The following GLUL variants were observed in gnomAD, a reference collection of about 807,000 sequenced individuals.
GLUL encodes the protein glutamine synthetase.
In GLUL, 8 loss-of-function variants were observed where a neutral mutation model predicts 36.9. The ratio of observed to expected loss-of-function variants is 0.22; its 90% CI spans 0.13 to 0.39. The LOEUF (loss-of-function observed/expected upper bound fraction) is 0.39. GLUL is among the 10% of genes least tolerant of loss of function. GLUL has a pLI of 1.00. For synonymous variants in GLUL, 182 were observed against 172.8 expected, an observed-to-expected ratio of 1.05 and a Z score of -0.42; for missense variants, 315 against 501.8, an observed-to-expected ratio of 0.63 and a Z score of 3.56.
rs1402959096 is a variant in GLUL, at chr1:182,380,907, A to T, written c.*3498T>A. Among the ~76,000 whole-genome samples the T allele has an allele frequency of 6.6e-6, 1 of 152,232 alleles. No homozygotes were observed. Among genetic ancestry groups the T allele is most frequent in the Non-Finnish European group, 1.5e-5 (1 of 68,042 alleles). Reference sequence around the variant, plus strand: ...GCCAAGAATAGTTCAGGAACTTCTCATCCACTTGTCTACCCTTCTACACAG... The same window carrying T: ...GCCAAGAATAGTTCAGGAACTTCTCTTCCACTTGTCTACCCTTCTACACAG... On this transcript the variant is annotated 3_prime_UTR_variant, in exon 7 of 7. Transcript: ENST00000331872.
chr1:182,380,094 T>C lies in GLUL; in HGVS notation c.*4311A>G, dbSNP rs369838729. On this transcript the variant is annotated 3_prime_UTR_variant, in exon 7 of 7. Coordinates refer to ENST00000331872, the MANE Select transcript of GLUL (RefSeq NM_001033044.4). ...AACTCCCGATCTCAGGTGATCCACC[T>C]GCCTCGGCCTCTCAAGGTGCTGGGA... Among the ~76,000 whole-genome samples the C allele has an allele frequency of 6.6e-6, 1 of 152,246 alleles. No individual in the cohort carries two copies. The highest frequency in any genetic ancestry group is 2.4e-5 in the African/African-American group (1 of 41,538).
intron 6 of GLUL, 33 bp downstream of exon 6, chr1:182,385,322 GGA>G: frequency 6.7e-7 from 1 of 1,495,538 alleles, no homozygotes; most frequent in Non-Finnish European, 9.3e-7. Flanking sequence ...TTCTGCCACA[GGA>G]GATTAAAGAT....
rs1650199476 is a variant in GLUL, at chr1:182,386,758, GT to G, written c.329-357del. 6.6e-6 allele frequency: 3 copies of G among 451,626 alleles called. No homozygotes were observed. In the East Asian group the frequency reaches 1.4e-4, roughly 21 times the overall value. The allele number at this position is 451,626 out of a possible 1,614,324, so 28.0% of individuals were successfully genotyped here. A position where few individuals can be genotyped will look rare whatever the true frequency, so the allele number is the denominator to read the frequency against. On this transcript the variant is annotated intron_variant, in intron 3 of 6. Transcript: ENST00000331872. The stretch of plus-strand genomic sequence containing the variant: ...TCTATTCACAAGACAGCTGCTTCTG[GT>G]TGTCAGATTTATTCTTCATTTCTCA...
At chr1:182,389,809 G>C (rs12136955) in intron 1 of GLUL, 1 of 152,038 alleles carries the variant, frequency 6.6e-6, no homozygotes, top group Non-Finnish European at 1.5e-5. Context: ...AAGTTTCTAC[G>C]GGCAACCGTC....
Position 182,380,198 on chromosome 1 carries a change from GAATT to G in GLUL, c.*4203_*4206del, listed in dbSNP as rs964691104. On this transcript the variant is annotated 3_prime_UTR_variant, in exon 7 of 7. Transcript: ENST00000331872. ...GCTCTTGGTAGCCTGATTACAATGA[GAATT>G]AATTAAGTACACTATTTTCCACAGT... Among the ~76,000 whole-genome samples the G allele has an allele frequency of 6.6e-5, 10 of 152,172 alleles. No homozygotes were observed. The highest frequency in any genetic ancestry group is 1.9e-4 in the African/African-American group (8 of 41,430).
rs758842329 is a variant in GLUL at position 182,385,485 on chromosome 1, C to T, written c.675G>A (p.Leu225=). 1.9e-6 allele frequency: 3 copies of T among 1,613,994 alleles called. No homozygotes were observed. In the Admixed American group the frequency reaches 5.0e-5, roughly 27 times the overall value. ...CTCCAAAGTCTTCACACACACGATGCAAGATGAAACGGGCCACCCAGAGAT... is the reference window on the plus strand; with the variant it reads ...CTCCAAAGTCTTCACACACACGATGTAAGATGAAACGGGCCACCCAGAGAT... ...GDHLWVARFI[L]HRVCEDFGVI... The change falls in exon 6 of 7, where the codon TTG becomes TTA. Residue 225 remains leucine (L), a synonymous_variant. Transcript: ENST00000331872.
Position 182,379,670 on chromosome 1 carries a change from G to T in GLUL, c.*4735C>A, listed in dbSNP as rs976194024. 4.1e-4 allele frequency among the ~76,000 whole-genome samples: 63 copies of T among 151,898 alleles called. No individual in the cohort carries two copies. The highest frequency in any genetic ancestry group is 1.4e-3 in the African/African-American group (57 of 41,386). The stretch of plus-strand genomic sequence containing the variant: ...CCACCTCAGCCTCCCAGGTAGCTAG[G>T]ACTACAGGTGCATGCCACCACGCCC... On this transcript the variant is annotated 3_prime_UTR_variant, in exon 7 of 7. Coordinates refer to ENST00000331872, the MANE Select transcript of GLUL (RefSeq NM_001033044.4).
chr1:182,381,346 T>C lies in GLUL; in HGVS notation c.*3059A>G, dbSNP rs1649920489. ...CTATAGCTTGTGCTATCAGTTGTTA[T>C]TTAGTACCTGGCAAGATGATATTAG... is the stretch of plus-strand genomic sequence containing the variant. On this transcript the variant is annotated 3_prime_UTR_variant, in exon 7 of 7. Transcript: ENST00000331872. 6.6e-6 allele frequency among the ~76,000 whole-genome samples: 1 copy of C among 152,218 alleles called. No homozygotes were observed. Among genetic ancestry groups the C allele is most frequent in the Admixed American group, 6.5e-5 (1 of 15,286 alleles).
At chr1:182,390,404 C>T (rs1456050817) in intron 1 of GLUL, 3 of 398,070 alleles carry the variant, frequency 7.5e-6, no homozygotes, top group Non-Finnish European at 1.3e-5. Context: ...GCTGCGGTGC[C>T]AAGTTTACGT....
At chr1:182,391,339 A>T (rs1476436935) in intron 1 of GLUL, 1 of 397,696 alleles carries the variant, frequency 2.5e-6, no homozygotes, top group African/African-American at 2.1e-5. Context: ...CAAACAAACC[A>T]CTGCGAGCCC....
rs1649915147 is a variant in GLUL, at chr1:182,381,213, G to A, written c.*3192C>T. Among the ~76,000 whole-genome samples, 2 of 152,218 alleles carry A rather than the reference G, an allele frequency of 1.3e-5. No homozygotes were observed. Among genetic ancestry groups the A allele is most frequent in the Admixed American group, 1.3e-4 (2 of 15,280 alleles). The stretch of plus-strand genomic sequence containing the variant: ...ATCTGGGAGGCAGAAGTTGCAGTGA[G>A]CCAAGATTGCGCCACACTATACTCC... On this transcript the variant is annotated 3_prime_UTR_variant, in exon 7 of 7. Coordinates refer to ENST00000331872, the MANE Select transcript of GLUL (RefSeq NM_001033044.4).
rs4652704 is a variant in GLUL, at chr1:182,389,061, C to G, written c.-13-311G>C. ...CAATGCCTCTGCATCCCTGAGCTCA[C>G]AGGCTTAAGTTCCACAGCTACTGCA... On this transcript the variant is annotated intron_variant, in intron 1 of 6. Coordinates refer to ENST00000331872, the MANE Select transcript of GLUL (RefSeq NM_001033044.4). The G allele has an allele frequency of 0.79, 288,979 of 367,228 alleles. 113,893 individuals carry two copies. Among genetic ancestry groups the G allele is most frequent in the Middle Eastern group, 0.89 (927 of 1,044 alleles). 22.7% of individuals were successfully genotyped at this position (367,228 alleles called of 1,614,324 possible).
chr1:182,386,093 T>C, intron 4 of GLUL, 163 bp downstream of exon 4: 1 of 881,976 alleles, frequency 1.1e-6, no homozygotes, highest in Non-Finnish European at 1.9e-6. Context: ...CCTTACTTTA[T>C]ATATTCATAT....
chr1:182,389,469 G>C (rs576223859), intron 1 of GLUL: 1 of 152,708 alleles, frequency 6.5e-6, no homozygotes, highest in Non-Finnish European at 1.5e-5. Flanking sequence ...TAAGGGGAAT[G>C]CTGCCATAAT....
chr1:182,386,539 C>A (rs997204008), intron 3 of GLUL, 137 bp from the exon 4 acceptor site: 1 of 771,748 alleles, frequency 1.3e-6, no homozygotes, highest in African/African-American at 1.7e-5. Flanking sequence ...CAGTATAGGC[C>A]TTCTTGGGAT....
chr1:182,387,339 T>C, intron 2 of GLUL, 47 bp from the exon 3 acceptor site: 1 of 1,413,958 alleles, frequency 7.1e-7, no homozygotes, highest in Non-Finnish European at 1.0e-6. Flanking sequence ...ACAGGAGCTT[T>C]CCAAGCAATG....
At chr1:182,389,126 C>G in intron 1 of GLUL, 1 of 327,792 alleles carries the variant, frequency 3.1e-6, no homozygotes, top group Non-Finnish European at 6.0e-6. Context: ...CTTGTGAGGA[C>G]TAAGGTCTAT....
chr1:182,382,550 A>T lies in GLUL; in HGVS notation c.*1855T>A, dbSNP rs985525486. On this transcript the variant is annotated 3_prime_UTR_variant, in exon 7 of 7. Coordinates refer to ENST00000331872, the MANE Select transcript of GLUL (RefSeq NM_001033044.4). ...AAGCCAGTTAATCTTACATTATGTT[A>T]GGCTATTGTATTAGGCTAGGAATGG... is the stretch of plus-strand genomic sequence containing the variant. 2.0e-5 allele frequency: 3 copies of T among 152,194 alleles called. No individual in the cohort carries two copies. Among genetic ancestry groups the T allele is most frequent in the Non-Finnish European group, 4.4e-5 (3 of 68,062 alleles). 9.4% of individuals were successfully genotyped at this position (152,194 alleles called of 1,614,324 possible). A position where few individuals can be genotyped will look rare whatever the true frequency, so the allele number is the denominator to read the frequency against.
At position 182,379,358 on chromosome 1, in the gene GLUL, A is replaced by T. The variant is rs1649844863; in HGVS notation, c.*5047T>A. Among the ~76,000 whole-genome samples the T allele has an allele frequency of 6.6e-6, 1 of 151,356 alleles. No individual in the cohort carries two copies. Among genetic ancestry groups the T allele is most frequent in the Non-Finnish European group, 1.5e-5 (1 of 67,882 alleles). On this transcript the variant is annotated 3_prime_UTR_variant, in exon 7 of 7. Transcript: ENST00000331872. ...CTGCCTCAGCCTCCTGAGTAGCTGGAATTATAGGCACCCACCACCACATCT... is the reference window on the plus strand; with the variant it reads ...CTGCCTCAGCCTCCTGAGTAGCTGGTATTATAGGCACCCACCACCACATCT...
Sources: allele counts gnomAD v4.1 joint callset (sites outside exome capture counted in the v4.1 genomes callset), GRCh38; gene constraint gnomAD v4.1.1; transcripts MANE v1.5; gene names NCBI Gene and HGNC (gene_info 2026-07-23, HGNC 2026-07-21).